Variants in GRIK1 observed in about 807,000 individuals in gnomAD.
GRIK1 encodes glutamate receptor ionotropic, kainate 1.
In GRIK1, 69 loss-of-function variants were observed where a neutral mutation model predicts 105.7. The observed-to-expected ratio is 0.65, with a 90% CI of 0.54 to 0.80. The LOEUF (loss-of-function observed/expected upper bound fraction) is 0.80, where lower values mean the gene tolerates loss of function less well. GRIK1 is among the 30% of genes least tolerant of loss of function. The probability of loss-of-function intolerance (pLI) is 0.00; values close to 1 mark genes in which losing one functional copy is unlikely to be tolerated. For missense variants in GRIK1, 1,109 were observed against 1,167.3 expected, an observed-to-expected ratio of 0.95 and a Z score of 0.73; for synonymous variants, 438 against 431.3, an observed-to-expected ratio of 1.02 and a Z score of -0.19.
intron 1 of GRIK1, among the ~76,000 whole-genome samples, chr21:29,731,877 C>T (rs2064634916): frequency 6.6e-6 from 1 of 152,054 alleles, no homozygotes; most frequent in African/African-American, 2.4e-5. Flanking sequence ...CATCATTCTT[C>T]CACCTAAGCT....
intron 1 of GRIK1, among the ~76,000 whole-genome samples, chr21:29,863,677 T>A (rs1026409108): frequency 6.6e-6 from 1 of 152,210 alleles, no homozygotes; most frequent in African/African-American, 2.4e-5. Flanking sequence ...TTTATCACAA[T>A]TTTTAAAAGA....
chr21:29,790,596 C>G (rs2062801589), intron 1 of GRIK1, among the ~76,000 whole-genome samples: 1 of 152,074 alleles, frequency 6.6e-6, no homozygotes, highest in Non-Finnish European at 1.5e-5. Flanking sequence ...AGTGGGGCTA[C>G]AGGCGTGCAC....
intron 1 of GRIK1, among the ~76,000 whole-genome samples, chr21:29,846,450 AAG>A (rs1482734462): frequency 0.18 from 19,496 of 109,472 alleles, 1,598 homozygotes; most frequent in East Asian, 0.29. Flanking sequence ...AGAAGGAAAG[AAG>A]GAAAGAGAGA....
intron 16 of GRIK1, among the ~76,000 whole-genome samples, chr21:29,546,858 T>G (rs1231259951): frequency 6.6e-6 from 1 of 152,210 alleles, no homozygotes; most frequent in African/African-American, 2.4e-5. Flanking sequence ...ATTTTTAGTT[T>G]GAGAACAGTT....
At chr21:29,817,501 T>C (rs1601772768) in intron 1 of GRIK1, among the ~76,000 whole-genome samples, 1 of 152,138 alleles carries the variant, frequency 6.6e-6, no homozygotes, top group African/African-American at 2.4e-5. Flanking sequence ...GTTTCAATAG[T>C]GCTGGGCTTG....
intron 1 of GRIK1, among the ~76,000 whole-genome samples, chr21:29,744,821 G>A (rs2065011204): frequency 6.6e-6 from 1 of 152,164 alleles, no homozygotes; most frequent in Admixed American, 6.5e-5. Context: ...TATGCTCAGG[G>A]CTTAAATGTA....
chr21:29,701,337 A>C (rs1241736115), intron 1 of GRIK1, among the ~76,000 whole-genome samples: 1 of 152,218 alleles, frequency 6.6e-6, no homozygotes, highest in Non-Finnish European at 1.5e-5. Flanking sequence ...TTTGAGCAAA[A>C]GCCTAAAGAT....
intron 1 of GRIK1, among the ~76,000 whole-genome samples, chr21:29,782,509 C>T (rs1569087410): frequency 6.6e-6 from 1 of 152,190 alleles, no homozygotes; most frequent in African/African-American, 2.4e-5. Flanking sequence ...GTGGTCAGCA[C>T]CCCCAAGATG....
intron 1 of GRIK1, chr21:29,764,099 G>T (rs765716015): frequency 6.6e-6 from 1 of 152,218 alleles, no homozygotes; most frequent in African/African-American, 2.4e-5. Context: ...ACATGGAACT[G>T]CTGGGAGCTC....
chr21:29,925,227 G>C (rs1391257685), intron 1 of GRIK1, among the ~76,000 whole-genome samples: 3 of 152,124 alleles, frequency 2.0e-5, no homozygotes. Flanking sequence ...TTTCTTGCAT[G>C]GTTTTTAACC....
At chr21:29,906,093 A>G (rs2070629711) in intron 1 of GRIK1, among the ~76,000 whole-genome samples, 1 of 152,186 alleles carries the variant, frequency 6.6e-6, no homozygotes, top group African/African-American at 2.4e-5. Context: ...TAGATAGGAA[A>G]TACAGCAATT....
intron 1 of GRIK1, among the ~76,000 whole-genome samples, chr21:29,803,438 T>C (rs1296266231): frequency 6.6e-6 from 1 of 152,172 alleles, no homozygotes; most frequent in Non-Finnish European, 1.5e-5. Context: ...CTGCCTCTTA[T>C]CCTGGAACAG....
intron 1 of GRIK1, among the ~76,000 whole-genome samples, chr21:29,787,485 T>A (rs1299592381): frequency 2.0e-5 from 3 of 152,218 alleles, no homozygotes; most frequent in Admixed American, 6.5e-5. Context: ...ATTTAATTGA[T>A]TCTCTGTAAC....
intron 1 of GRIK1, among the ~76,000 whole-genome samples, chr21:29,815,804 C>T (rs1475719206): frequency 6.6e-6 from 1 of 152,112 alleles, no homozygotes; most frequent in Non-Finnish European, 1.5e-5. Flanking sequence ...TAAATTCAGA[C>T]TAGATTAATG....
chr21:29,710,145 A>C (rs983389525), intron 1 of GRIK1, among the ~76,000 whole-genome samples: 21 of 152,036 alleles, frequency 1.4e-4, no homozygotes, highest in Admixed American at 7.8e-4. Flanking sequence ...TTCAGAGTTC[A>C]ATTTGCCCTT....
At chr21:29,754,085 C>T (rs892845871) in intron 1 of GRIK1, among the ~76,000 whole-genome samples, 4 of 152,076 alleles carry the variant, frequency 2.6e-5, no homozygotes, top group African/African-American at 9.7e-5. Flanking sequence ...GGCTTTGATA[C>T]GGTGACAACT....
At chr21:29,642,287 C>A (rs1275653092) in intron 7 of GRIK1, among the ~76,000 whole-genome samples, 1 of 152,330 alleles carries the variant, frequency 6.6e-6, no homozygotes, top group East Asian at 1.9e-4. Context: ...GCAAATACCC[C>A]ATACTCTCAA....
intron 16 of GRIK1, among the ~76,000 whole-genome samples, chr21:29,546,513 G>C (rs1220420675): frequency 1.3e-5 from 2 of 152,180 alleles, no homozygotes; most frequent in African/African-American, 2.4e-5. Flanking sequence ...ACTTGGCTCA[G>C]AGATGGTAAG....
intron 1 of GRIK1, among the ~76,000 whole-genome samples, chr21:29,937,375 C>A (rs1366859294): frequency 6.6e-6 from 1 of 152,172 alleles, no homozygotes; most frequent in Non-Finnish European, 1.5e-5. Context: ...CCATGCCATG[C>A]CATTTTATTT....
Sources: allele counts gnomAD v4.1 joint callset (sites outside exome capture counted in the v4.1 genomes callset), GRCh38; gene constraint gnomAD v4.1.1; transcripts MANE v1.5; gene names NCBI Gene and HGNC (gene_info 2026-07-23, HGNC 2026-07-21).